The following PCDH15 variants were observed in gnomAD, a reference collection of about 807,000 sequenced individuals.
PCDH15 encodes protocadherin-15.
In PCDH15, 129 loss-of-function variants were observed where a neutral mutation model predicts 178.5. That is an observed-to-expected ratio of 0.72 (90% confidence interval 0.63 to 0.84). The LOEUF (loss-of-function observed/expected upper bound fraction) is 0.84. Among genes scored for constraint, PCDH15 ranks in the 40% least tolerant of loss-of-function variants. The pLI is 0.00. For synonymous variants in PCDH15, 800 were observed against 732.0 expected (o/e 1.09, Z -1.50); for missense variants, 2,230 against 2,099.9 (o/e 1.06, Z -1.21).
chr10:54,640,073 A>C (rs188696824), intron 2 of PCDH15, among the ~76,000 whole-genome samples: 250 of 152,204 alleles, frequency 1.6e-3, no homozygotes, highest in African/African-American at 5.2e-3. Flanking sequence ...CCAGCCTGGC[A>C]ACATAGCAAG....
chr10:54,281,129 G>T (rs769996017), intron 8 of PCDH15, among the ~76,000 whole-genome samples: 3 of 151,766 alleles, frequency 2.0e-5, no homozygotes, highest in Non-Finnish European at 2.9e-5. Context: ...TTATACGAAG[G>T]AGTACAGCCT....
At chr10:55,502,188 C>T (rs1224819358) in intron 2 of PCDH15, among the ~76,000 whole-genome samples, 1 of 151,578 alleles carries the variant, frequency 6.6e-6, no homozygotes, top group Admixed American at 6.6e-5. Flanking sequence ...AACTGCCATT[C>T]CAGCCTCATA....
chr10:54,950,595 G>A (rs1267513469), intron 2 of PCDH15, among the ~76,000 whole-genome samples: 6 of 151,912 alleles, frequency 3.9e-5, no homozygotes, highest in Admixed American at 3.9e-4. Context: ...TTTGTAAATT[G>A]CCCAGTCTTG....
intron 2 of PCDH15, among the ~76,000 whole-genome samples, chr10:55,537,261 C>T (rs569560654): frequency 1.1e-4 from 17 of 152,024 alleles, no homozygotes; most frequent in Non-Finnish European, 2.1e-4. Context: ...AAGAGAAATG[C>T]AGTTTTTTAA....
At chr10:54,379,760 T>C (rs537965087) in intron 3 of PCDH15, among the ~76,000 whole-genome samples, 21 of 152,188 alleles carry the variant, frequency 1.4e-4, no homozygotes, top group Non-Finnish European at 2.9e-4. Flanking sequence ...TGCCAAATAA[T>C]AATGTACCAT....
chr10:54,883,284 T>C (rs367956362), intron 3 of PCDH15, among the ~76,000 whole-genome samples: 39 of 152,174 alleles, frequency 2.6e-4, no homozygotes, highest in African/African-American at 8.9e-4. Context: ...TGTTTCAAAA[T>C]ATTACCTCCA....
intron 2 of PCDH15, among the ~76,000 whole-genome samples, chr10:55,123,178 CT>C (rs1204026686): frequency 7.1e-6 from 1 of 139,920 alleles, no homozygotes; most frequent in Non-Finnish European, 1.5e-5. Flanking sequence ...ATTTTCCTGT[CT>C]TATATTCTGT....
intron 15 of PCDH15, among the ~76,000 whole-genome samples, chr10:54,130,202 T>C (rs2042314573): frequency 6.6e-6 from 1 of 152,138 alleles, no homozygotes; most frequent in Non-Finnish European, 1.5e-5. Flanking sequence ...AGCTCTATAT[T>C]GGGTGGTGTG....
At chr10:55,049,983 A>G (rs1841117340) in intron 2 of PCDH15, among the ~76,000 whole-genome samples, 1 of 151,894 alleles carries the variant, frequency 6.6e-6, no homozygotes. Context: ...TTGAATGTAT[A>G]TTTTGCAATT....
At chr10:55,005,226 A>AATAATAATAATC (rs34847205) in intron 2 of PCDH15, among the ~76,000 whole-genome samples, 15 of 146,560 alleles carry the variant, frequency 1.0e-4, no homozygotes, top group South Asian at 2.1e-4. Flanking sequence ...TAATAATAAT[A>AATAATAATAATC]ATCAATGGAG....
intron 2 of PCDH15, among the ~76,000 whole-genome samples, chr10:55,375,908 TA>T (rs1837385338): frequency 6.6e-6 from 1 of 151,962 alleles, no homozygotes; most frequent in South Asian, 2.1e-4. Flanking sequence ...ATCAGGGGAG[TA>T]AAAACTATGT....
At position 54,153,103 on chromosome 10, in the gene PCDH15, C is replaced by A; in HGVS notation, c.1781G>T (p.Arg594Leu). ...QAADNAPPAE[R>L]RNSICTVYIE... ...CATTGGTTCTAATATAAATTACCTTCGCTCTGCAGGAGGAGCATTATCCGC... is the reference window on the plus strand; with the variant it reads ...CATTGGTTCTAATATAAATTACCTTAGCTCTGCAGGAGGAGCATTATCCGC... Residue 594 changes from arginine (R) to leucine (L), a missense_variant, in exon 14 of 38, where the codon CGA becomes CTA. Coordinates refer to ENST00000644397, the MANE Select transcript of PCDH15 (RefSeq NM_001384140.1). 2 of 1,613,714 alleles carry A rather than the reference C, an allele frequency of 1.2e-6. No individual in the cohort carries two copies. The highest frequency in any genetic ancestry group is 2.2e-5 in the South Asian group (2 of 91,082).
At chr10:54,228,155 T>C (rs2053654612) in intron 9 of PCDH15, among the ~76,000 whole-genome samples, 1 of 152,168 alleles carries the variant, frequency 6.6e-6, no homozygotes, top group East Asian at 1.9e-4. Context: ...TATTAGTTCA[T>C]TTTCACACAG....
chr10:53,873,815 T>G (rs975934289), intron 26 of PCDH15, among the ~76,000 whole-genome samples: 1 of 152,120 alleles, frequency 6.6e-6, no homozygotes, highest in African/African-American at 2.4e-5. Context: ...GCAGTTAAGT[T>G]CATGATGGCA....
chr10:54,250,077 C>CTATTTTTTTTTTTTTTTTT (rs1412806029), intron 8 of PCDH15, among the ~76,000 whole-genome samples: 2 of 137,810 alleles, frequency 1.5e-5, no homozygotes, highest in African/African-American at 5.4e-5. Flanking sequence ...CCACATCCGG[C>CTATTTTTTTTTTTTTTTTT]TTTTTTTTTT....
chr10:53,888,045 G>GC (rs2081224429), intron 26 of PCDH15, among the ~76,000 whole-genome samples: 1 of 151,732 alleles, frequency 6.6e-6, no homozygotes, highest in Non-Finnish European at 1.5e-5. Context: ...ATTTGGCAGT[G>GC]CCATACACCA....
At chr10:54,217,371 A>G (rs545741131) in intron 9 of PCDH15, among the ~76,000 whole-genome samples, 4 of 152,278 alleles carry the variant, frequency 2.6e-5, no homozygotes, top group African/African-American at 9.6e-5. Context: ...TACCAGAGAA[A>G]TTACAAAACT....
chr10:54,653,699 C>T (rs1177945747), intron 2 of PCDH15, among the ~76,000 whole-genome samples: 1 of 152,158 alleles, frequency 6.6e-6, no homozygotes, highest in East Asian at 1.9e-4. Context: ...GGATACACAT[C>T]TTAAAAGTGC....
At chr10:54,011,309 C>T (rs1394609214) in intron 20 of PCDH15, among the ~76,000 whole-genome samples, 1 of 152,186 alleles carries the variant, frequency 6.6e-6, no homozygotes, top group Non-Finnish European at 1.5e-5. Flanking sequence ...CAAGCTTGGT[C>T]CTACAATGCA....
Sources: gnomAD v4.1 joint callset for allele counts (sites outside exome capture counted in the v4.1 genomes callset) on GRCh38, gnomAD v4.1.1 for gene constraint, MANE v1.5 for transcripts, NCBI Gene and HGNC (gene_info 2026-07-23, HGNC 2026-07-21) for gene names.